ARHGAP15: variants seen among roughly 807,000 people sequenced by gnomAD.
ARHGAP15 encodes Rho GTPase activating protein 15.
ARHGAP15 carries 51 observed loss-of-function variants against 63.7 expected under a neutral mutation model. The observed-to-expected ratio is 0.80, with a 90% CI of 0.64 to 1.01. ARHGAP15 has a LOEUF of 1.01. Ranked by LOEUF, ARHGAP15 falls within the 50% of genes least tolerant of loss-of-function variation. ARHGAP15 has a pLI of 0.00. For missense variants in ARHGAP15, 560 were observed against 564.6 expected (o/e 0.99, Z 0.08); for synonymous variants, 191 against 193.8 (o/e 0.99, Z 0.12).
At chr2:143,617,002 G>A (rs560569761) in intron 11 of ARHGAP15, among the ~76,000 whole-genome samples, 1 of 152,276 alleles carries the variant, frequency 6.6e-6, no homozygotes, top group South Asian at 2.1e-4. Context: ...GTTGGACAAA[G>A]AATGAATATG....
At chr2:143,159,852 G>A (rs192780860) in intron 2 of ARHGAP15, among the ~76,000 whole-genome samples, 1 of 151,966 alleles carries the variant, frequency 6.6e-6, no homozygotes, top group African/African-American at 2.4e-5. Flanking sequence ...TCCTTTTATT[G>A]CTGTGGATCG....
intron 13 of ARHGAP15, among the ~76,000 whole-genome samples, chr2:143,710,588 G>T (rs940440637): frequency 3.3e-5 from 5 of 152,098 alleles, no homozygotes; most frequent in African/African-American, 1.2e-4. Flanking sequence ...ACATTTGAAT[G>T]GTAACATTCA....
At chr2:143,685,803 A>G (rs1683308751) in intron 12 of ARHGAP15, among the ~76,000 whole-genome samples, 1 of 152,154 alleles carries the variant, frequency 6.6e-6, no homozygotes, top group Non-Finnish European at 1.5e-5. Flanking sequence ...GCTTAACTCA[A>G]TTTGTCAGGA....
chr2:143,430,736 A>G (rs984105212), intron 6 of ARHGAP15, among the ~76,000 whole-genome samples: 1 of 152,082 alleles, frequency 6.6e-6, no homozygotes, highest in African/African-American at 2.4e-5. Context: ...ATTTAACTCA[A>G]ATATAAAAAT....
chr2:143,150,858 G>A (rs1558777186), intron 1 of ARHGAP15, among the ~76,000 whole-genome samples: 1 of 151,966 alleles, frequency 6.6e-6, no homozygotes, highest in Admixed American at 6.6e-5. Flanking sequence ...GAATACTGAA[G>A]AGGCACATAG....
intron 13 of ARHGAP15, among the ~76,000 whole-genome samples, chr2:143,718,209 A>C (rs1204133975): frequency 6.6e-6 from 1 of 152,164 alleles, no homozygotes; most frequent in East Asian, 1.9e-4. Flanking sequence ...ACAGGAGGAA[A>C]TCTCAGCCAT....
chr2:143,649,169 TTCA>T (rs59473812), intron 12 of ARHGAP15, among the ~76,000 whole-genome samples: 49 of 151,326 alleles, frequency 3.2e-4, no homozygotes, highest in African/African-American at 7.6e-4. Flanking sequence ...TCTTCTATCA[TTCA>T]TCATCATCAT....
intron 9 of ARHGAP15, among the ~76,000 whole-genome samples, chr2:143,498,318 A>G (rs896172163): frequency 1.3e-5 from 2 of 152,196 alleles, no homozygotes; most frequent in African/African-American, 4.8e-5. Flanking sequence ...TCCATGTTGT[A>G]AAAGTGCTAT....
At chr2:143,411,756 TAAATC>T (rs1205184340) in intron 6 of ARHGAP15, among the ~76,000 whole-genome samples, 9 of 152,140 alleles carry the variant, frequency 5.9e-5, no homozygotes, top group African/African-American at 1.7e-4. Context: ...AAAAAGTCAA[TAAATC>T]AAATAAGCAA....
At chr2:143,475,905 CT>C (rs1049739478) in intron 8 of ARHGAP15, among the ~76,000 whole-genome samples, 1 of 152,148 alleles carries the variant, frequency 6.6e-6, no homozygotes, top group African/African-American at 2.4e-5. Flanking sequence ...ATTTATTTTC[CT>C]TTAAATTGCA....
intron 6 of ARHGAP15, among the ~76,000 whole-genome samples, chr2:143,357,531 G>C (rs546684683): frequency 1.3e-5 from 2 of 152,038 alleles, no homozygotes; most frequent in Non-Finnish European, 2.9e-5. Flanking sequence ...TTTAATGCTT[G>C]GTTCTTCTGT....
intron 2 of ARHGAP15, among the ~76,000 whole-genome samples, chr2:143,189,081 A>G (rs1270668408): frequency 6.6e-6 from 1 of 152,062 alleles, no homozygotes; most frequent in Non-Finnish European, 1.5e-5. Context: ...CTATCATTTG[A>G]TTGATAATTT....
At chr2:143,569,249 C>A (rs1447341482) in intron 11 of ARHGAP15, among the ~76,000 whole-genome samples, 7 of 151,996 alleles carry the variant, frequency 4.6e-5, no homozygotes, top group Non-Finnish European at 8.8e-5. Context: ...TTCTTGAAAA[C>A]CTTTTATGAA....
rs1305841639 is a variant in ARHGAP15, at chr2:143,216,374, C to A, written c.235-10C>A. 1 of 1,607,214 alleles carries A rather than the reference C, an allele frequency of 6.2e-7. No individual in the cohort carries two copies. The highest frequency in any genetic ancestry group is 8.5e-7 in the Non-Finnish European group (1 of 1,175,664). The stretch of plus-strand genomic sequence containing the variant: ...TTGTCACGGTTTTAACATATGCATT[C>A]TTCTTGCAGATGGTTGAAAAAGAAG... On this transcript the variant is annotated splice_polypyrimidine_tract_variant and intron_variant, in intron 3 of 13. Coordinates refer to ENST00000295095, the MANE Select transcript of ARHGAP15 (RefSeq NM_018460.4).
chr2:143,577,198 C>G (rs1696712142), intron 11 of ARHGAP15, among the ~76,000 whole-genome samples: 1 of 152,140 alleles, frequency 6.6e-6, no homozygotes, highest in African/African-American at 2.4e-5. Context: ...CAATATTTGA[C>G]TTAAGTCATC....
At chr2:143,252,369 G>A (rs1680198968) in intron 6 of ARHGAP15, among the ~76,000 whole-genome samples, 2 of 151,846 alleles carry the variant, frequency 1.3e-5, no homozygotes, top group Non-Finnish European at 2.9e-5. Flanking sequence ...ACCTCCTGTT[G>A]CAATTTTCTA....
chr2:143,313,104 T>C lies in ARHGAP15; in HGVS notation c.474+62504T>C, dbSNP rs541752112. Among the ~76,000 whole-genome samples, 4 of 152,118 alleles carry C rather than the reference T, an allele frequency of 2.6e-5. No individual in the cohort carries two copies. In the South Asian group the frequency reaches 8.3e-4, roughly 32 times the overall value. On this transcript the variant is annotated intron_variant, in intron 6 of 13. Transcript: ENST00000295095. ...GTGGCTGGAAAAATTCCTAACTGTA[T>C]GTTAAAAATGACTCAGGAGAGTTAA...
intron 6 of ARHGAP15, among the ~76,000 whole-genome samples, chr2:143,354,727 G>A (rs1685734480): frequency 6.6e-6 from 1 of 152,050 alleles, no homozygotes; most frequent in Admixed American, 6.6e-5. Flanking sequence ...AATCACAGTC[G>A]CGCCTGGAAC....
intron 10 of ARHGAP15, among the ~76,000 whole-genome samples, chr2:143,542,316 T>C (rs1026876369): frequency 2.6e-5 from 4 of 152,136 alleles, no homozygotes; most frequent in African/African-American, 9.7e-5. Flanking sequence ...CCTGACCCCT[T>C]GCACTTCCCG....
Sources: allele counts gnomAD v4.1 joint callset (sites outside exome capture counted in the v4.1 genomes callset), GRCh38; gene constraint gnomAD v4.1.1; transcripts MANE v1.5; gene names NCBI Gene and HGNC (gene_info 2026-07-23, HGNC 2026-07-21).